Variants in PLGRKT observed in about 807,000 individuals in gnomAD.
PLGRKT encodes plasminogen receptor (KT).
Under a neutral mutation model 18.5 loss-of-function variants are expected in PLGRKT, and 22 were observed. The observed-to-expected ratio is 1.19, with a 90% CI of 0.85 to 1.70. PLGRKT has a LOEUF of 1.70. Among genes scored for constraint, PLGRKT ranks in the 40% most tolerant of loss-of-function variants. The pLI is 0.00. For synonymous variants in PLGRKT, 72 were observed against 52.8 expected, an observed-to-expected ratio of 1.36 and a Z score of -1.58; for missense variants, 235 against 174.4, an observed-to-expected ratio of 1.35 and a Z score of -1.96.
chr9:5,393,201 A>G (rs1352662788), intron 3 of PLGRKT, among the ~76,000 whole-genome samples: 1 of 151,900 alleles, frequency 6.6e-6, no homozygotes, highest in Non-Finnish European at 1.5e-5. Flanking sequence ...TCACCCTGCC[A>G]TTTTTATTTT....
At chr9:5,368,604 C>A (rs1379354877) in intron 3 of PLGRKT, among the ~76,000 whole-genome samples, 1 of 152,072 alleles carries the variant, frequency 6.6e-6, no homozygotes, top group South Asian at 2.1e-4. Flanking sequence ...GGGAGGGAAG[C>A]AAGTGATGAA....
intron 3 of PLGRKT, among the ~76,000 whole-genome samples, chr9:5,389,103 G>C (rs553985477): frequency 6.6e-5 from 10 of 152,018 alleles, no homozygotes; most frequent in African/African-American, 2.2e-4. Context: ...TAGATATTTG[G>C]AGGAGGGCCC....
At chr9:5,396,043 G>A (rs1345760412) in intron 3 of PLGRKT, among the ~76,000 whole-genome samples, 2 of 150,722 alleles carry the variant, frequency 1.3e-5, no homozygotes, top group African/African-American at 2.5e-5. Flanking sequence ...ACAGGTGCCC[G>A]CCAACATGCC....
intron 3 of PLGRKT, among the ~76,000 whole-genome samples, chr9:5,425,739 G>A (rs1818684607): frequency 6.6e-6 from 1 of 152,140 alleles, no homozygotes; most frequent in South Asian, 2.1e-4. Flanking sequence ...AGGATTGGGA[G>A]CCTGACCAGT....
intron 3 of PLGRKT, among the ~76,000 whole-genome samples, chr9:5,425,143 A>G (rs138230298): frequency 1.3e-5 from 2 of 152,340 alleles, no homozygotes; most frequent in Non-Finnish European, 2.9e-5. Context: ...GCAGCACAGC[A>G]TGGACCTATA....
At chr9:5,386,366 T>A (rs1023445236) in intron 3 of PLGRKT, among the ~76,000 whole-genome samples, 1 of 151,870 alleles carries the variant, frequency 6.6e-6, no homozygotes, top group African/African-American at 2.4e-5. Flanking sequence ...AGGCATGATT[T>A]TGCCTCCCAG....
chr9:5,415,692 T>C (rs1335812807), intron 3 of PLGRKT, among the ~76,000 whole-genome samples: 1 of 152,182 alleles, frequency 6.6e-6, no homozygotes. Context: ...CAAAAGCATT[T>C]TGTGGTTTAA....
intron 3 of PLGRKT, among the ~76,000 whole-genome samples, 182 bp downstream of exon 3, chr9:5,431,715 G>A (rs184744637): frequency 1.3e-4 from 20 of 152,210 alleles, no homozygotes; most frequent in African/African-American, 4.8e-4. Context: ...AATTTATCTG[G>A]ATTGGAGATT....
At chr9:5,384,248 T>C (rs1369068963) in intron 3 of PLGRKT, among the ~76,000 whole-genome samples, 1 of 152,126 alleles carries the variant, frequency 6.6e-6, no homozygotes, top group African/African-American at 2.4e-5. Context: ...TGTGAGCCAC[T>C]GGGAAAGGAA....
chr9:5,387,353 T>A (rs1008911243), intron 3 of PLGRKT, among the ~76,000 whole-genome samples: 1 of 151,850 alleles, frequency 6.6e-6, no homozygotes, highest in Admixed American at 6.6e-5. Flanking sequence ...CACATTTTCA[T>A]TCATAGCAAC....
At chr9:5,429,324 C>T (rs1818768686) in intron 3 of PLGRKT, among the ~76,000 whole-genome samples, 1 of 152,176 alleles carries the variant, frequency 6.6e-6, no homozygotes, top group Non-Finnish European at 1.5e-5. Flanking sequence ...AGGCCACTGC[C>T]CAGTGCAGCA....
chr9:5,431,463 G>A lies in PLGRKT; in HGVS notation c.81+434C>T, dbSNP rs1182528183. Among the ~76,000 whole-genome samples the A allele has an allele frequency of 4.0e-5, 6 of 149,696 alleles. No homozygotes were observed. The East Asian group carries it at 5.9e-4, about 15-fold the overall frequency. ...GCACAAGAATCGCTTGAACCCAGGA[G>A]GCAGAGGTTGCAGTGAGCCCAGATC... On this transcript the variant is annotated intron_variant, in intron 3 of 5. Transcript: ENST00000223864.
intron 2 of PLGRKT, among the ~76,000 whole-genome samples, chr9:5,433,870 G>A (rs533834930): frequency 2.3e-4 from 33 of 142,030 alleles, no homozygotes; most frequent in East Asian, 8.8e-4. Flanking sequence ...GCCTTTGCCC[G>A]GCCGCCCCGT....
intron 5 of PLGRKT, 138 bp from the exon 6 acceptor site, chr9:5,358,498 C>G: frequency 1.6e-6 from 1 of 622,122 alleles, no homozygotes; most frequent in Non-Finnish European, 2.7e-6. Context: ...ACATTTTCCT[C>G]AGGAGAAGTA....
At chr9:5,391,081 T>C (rs1817941162) in intron 3 of PLGRKT, among the ~76,000 whole-genome samples, 1 of 151,944 alleles carries the variant, frequency 6.6e-6, no homozygotes, top group Non-Finnish European at 1.5e-5. Flanking sequence ...GCCAGAAAAG[T>C]ACTTTGCGGA....
At chr9:5,413,012 A>G (rs1818394072) in intron 3 of PLGRKT, among the ~76,000 whole-genome samples, 1 of 152,230 alleles carries the variant, frequency 6.6e-6, no homozygotes, top group African/African-American at 2.4e-5. Flanking sequence ...TAATTAAAGA[A>G]AAGCAAATTA....
chr9:5,358,690 CAT>C (rs1216287536), intron 5 of PLGRKT, among the ~76,000 whole-genome samples: 1 of 152,180 alleles, frequency 6.6e-6, no homozygotes, highest in Non-Finnish European at 1.5e-5. Flanking sequence ...AGAAACCACA[CAT>C]AGTCTTTCCC....
intron 3 of PLGRKT, among the ~76,000 whole-genome samples, chr9:5,369,387 G>C (rs1345745371): frequency 6.6e-6 from 1 of 152,184 alleles, no homozygotes; most frequent in Non-Finnish European, 1.5e-5. Context: ...AAACCACAAT[G>C]AGATACCATC....
chr9:5,372,048 A>C (rs9785210), intron 3 of PLGRKT, among the ~76,000 whole-genome samples: 95,751 of 142,782 alleles, frequency 0.67, 32,012 homozygotes, highest in South Asian at 0.75. Context: ...GTGGCGCGAT[A>C]TTGGCTCACT....
Sources: gnomAD v4.1 joint callset for allele counts (sites outside exome capture counted in the v4.1 genomes callset) on GRCh38, gnomAD v4.1.1 for gene constraint, MANE v1.5 for transcripts, NCBI Gene and HGNC (gene_info 2026-07-23, HGNC 2026-07-21) for gene names.